CACNA2D3: variants seen among roughly 807,000 people sequenced by gnomAD.
CACNA2D3 encodes voltage-dependent calcium channel subunit alpha-2/delta-3.
A neutral mutation model predicts 160.6 loss-of-function variants in CACNA2D3; 60 were observed. That is an observed-to-expected ratio of 0.37 (90% confidence interval 0.30 to 0.46). CACNA2D3 has a LOEUF of 0.46. Among genes scored for constraint, CACNA2D3 ranks in the 20% least tolerant of loss-of-function variants. The pLI, the probability that CACNA2D3 is intolerant of heterozygous loss-of-function variation, is 1.00. For synonymous variants in CACNA2D3, 558 were observed against 492.9 expected, an observed-to-expected ratio of 1.13 and a Z score of -1.75; for missense variants, 1,205 against 1,365.0, an observed-to-expected ratio of 0.88 and a Z score of 1.85.
chr3:54,766,573 C>T (rs1575465494), intron 13 of CACNA2D3, among the ~76,000 whole-genome samples: 1 of 152,140 alleles, frequency 6.6e-6, no homozygotes, highest in Non-Finnish European at 1.5e-5. Context: ...CCCTTTGATC[C>T]AGCAATCTTA....
intron 11 of CACNA2D3, among the ~76,000 whole-genome samples, chr3:54,709,535 A>G (rs1335348467): frequency 6.6e-6 from 1 of 151,622 alleles, no homozygotes; most frequent in Non-Finnish European, 1.5e-5. Context: ...TAATTTTTAA[A>G]TTTTTTTGTA....
intron 17 of CACNA2D3, among the ~76,000 whole-genome samples, chr3:54,848,690 G>A (rs1203375796): frequency 6.6e-6 from 1 of 152,220 alleles, no homozygotes; most frequent in Non-Finnish European, 1.5e-5. Flanking sequence ...CTGAGCAAAA[G>A]ACGCAGCATA....
intron 2 of CACNA2D3, among the ~76,000 whole-genome samples, chr3:54,308,465 A>G (rs924923934): frequency 2.6e-5 from 4 of 152,172 alleles, no homozygotes; most frequent in African/African-American, 9.7e-5. Flanking sequence ...GAAGACTCCA[A>G]GGCCTGAGAG....
intron 14 of CACNA2D3, among the ~76,000 whole-genome samples, chr3:54,835,248 A>G (rs1226767279): frequency 6.6e-6 from 1 of 152,188 alleles, no homozygotes; most frequent in Non-Finnish European, 1.5e-5. Flanking sequence ...TTTTTTTCCA[A>G]CACCTGCCAG....
chr3:54,742,896 C>CT (rs1313897446), intron 11 of CACNA2D3, among the ~76,000 whole-genome samples: 3 of 152,152 alleles, frequency 2.0e-5, no homozygotes, highest in East Asian at 3.8e-4. Context: ...CAGATCAGAG[C>CT]TTTTTTATAC....
At chr3:54,464,651 G>C (rs927184152) in intron 4 of CACNA2D3, among the ~76,000 whole-genome samples, 4 of 152,196 alleles carry the variant, frequency 2.6e-5, no homozygotes, top group African/African-American at 9.6e-5. Flanking sequence ...GGGTGGGAGT[G>C]ACCCAATTTT....
intron 11 of CACNA2D3, among the ~76,000 whole-genome samples, chr3:54,660,362 G>A (rs536495434): frequency 2.6e-5 from 4 of 151,976 alleles, no homozygotes; most frequent in East Asian, 1.9e-4. Context: ...GGGTTTCACC[G>A]TATTAGCCAG....
intron 13 of CACNA2D3, among the ~76,000 whole-genome samples, chr3:54,784,878 C>A (rs559575785): frequency 6.6e-6 from 1 of 152,206 alleles, no homozygotes; most frequent in East Asian, 1.9e-4. Flanking sequence ...AACCTCTGCA[C>A]CTTCCTGAAA....
chr3:54,277,288 T>G lies in CACNA2D3; in HGVS notation c.205-43154T>G, dbSNP rs544055361. ...CTTATGTTTAAGTCTTTAATCCATATTAAGTTAATTTTTGTATACGATGTC... is the reference window on the plus strand; with the variant it reads ...CTTATGTTTAAGTCTTTAATCCATAGTAAGTTAATTTTTGTATACGATGTC... On this transcript the variant is annotated intron_variant, in intron 2 of 37. Coordinates refer to ENST00000474759, the MANE Select transcript of CACNA2D3 (RefSeq NM_018398.3). 1.1e-3 allele frequency among the ~76,000 whole-genome samples: 167 copies of G among 152,384 alleles called. 1 individual carries two copies. The highest frequency in any genetic ancestry group is 1.6e-3 in the Non-Finnish European group (109 of 68,038).
intron 13 of CACNA2D3, among the ~76,000 whole-genome samples, chr3:54,802,325 A>G (rs1316741644): frequency 4.6e-5 from 7 of 152,180 alleles, no homozygotes; most frequent in Non-Finnish European, 1.0e-4. Flanking sequence ...AAGGAGAAGG[A>G]TATTCAGAGA....
At chr3:54,346,767 T>G (rs2107529613) in intron 3 of CACNA2D3, among the ~76,000 whole-genome samples, 1 of 152,368 alleles carries the variant, frequency 6.6e-6, no homozygotes, top group East Asian at 1.9e-4. Context: ...AAGTGTGTAA[T>G]GTCCTGTATC....
At chr3:54,605,575 T>A (rs1028097993) in intron 9 of CACNA2D3, among the ~76,000 whole-genome samples, 2 of 152,174 alleles carry the variant, frequency 1.3e-5, no homozygotes, top group African/African-American at 4.8e-5. Flanking sequence ...CAACCCACCA[T>A]ACAGAACACT....
chr3:54,444,579 C>T (rs1353191045), intron 4 of CACNA2D3, among the ~76,000 whole-genome samples: 2 of 152,186 alleles, frequency 1.3e-5, no homozygotes, highest in African/African-American at 4.8e-5. Context: ...TGGATGGCTA[C>T]CTCCTGATCT....
chr3:54,667,090 AAGATC>A (rs1369192128), intron 11 of CACNA2D3, among the ~76,000 whole-genome samples: 2 of 152,198 alleles, frequency 1.3e-5, no homozygotes, highest in East Asian at 3.8e-4. Context: ...TAAATTCCCA[AAGATC>A]AGGTCTTCTC....
At chr3:54,222,139 G>T in intron 2 of CACNA2D3, among the ~76,000 whole-genome samples, 1 of 152,216 alleles carries the variant, frequency 6.6e-6, no homozygotes. Flanking sequence ...GTTTTTCAGA[G>T]AAGCAGAATC....
chr3:54,880,545 C>T (rs568511776), intron 20 of CACNA2D3, among the ~76,000 whole-genome samples: 2 of 152,178 alleles, frequency 1.3e-5, no homozygotes, highest in Non-Finnish European at 2.9e-5. Flanking sequence ...TTTGCCACAA[C>T]TCTGAAAACA....
chr3:55,040,769 G>T (rs1321783384), intron 35 of CACNA2D3, among the ~76,000 whole-genome samples: 3 of 152,116 alleles, frequency 2.0e-5, no homozygotes, highest in Non-Finnish European at 4.4e-5. Context: ...TTTCGTTATT[G>T]TTATTTTTGA....
At chr3:54,731,853 A>G (rs757812084) in intron 11 of CACNA2D3, among the ~76,000 whole-genome samples, 3 of 152,086 alleles carry the variant, frequency 2.0e-5, no homozygotes, top group Non-Finnish European at 4.4e-5. Flanking sequence ...ACTTCAGAAC[A>G]AGCAGAAACG....
chr3:54,301,670 C>G (rs537547956), intron 2 of CACNA2D3, among the ~76,000 whole-genome samples: 1 of 152,300 alleles, frequency 6.6e-6, no homozygotes, highest in Non-Finnish European at 1.5e-5. Context: ...ACTGGTTCCA[C>G]TTTTCCTTGT....
Sources: allele counts gnomAD v4.1 joint callset (sites outside exome capture counted in the v4.1 genomes callset), GRCh38; gene constraint gnomAD v4.1.1; transcripts MANE v1.5; gene names NCBI Gene and HGNC (gene_info 2026-07-23, HGNC 2026-07-21).